The following TRIM33 variants were observed in gnomAD, a reference collection of about 807,000 sequenced individuals.
TRIM33 encodes the protein tripartite motif containing 33.
TRIM33 carries 20 observed loss-of-function variants against 125.4 expected under a neutral mutation model. The observed-to-expected ratio is 0.16, with a 90% CI of 0.11 to 0.23. TRIM33 has a LOEUF of 0.23. TRIM33 is among the 10% of genes least tolerant of loss of function. TRIM33 has a pLI of 1.00. For missense variants in TRIM33, 920 were observed against 1,411.4 expected (o/e 0.65, Z 5.58); for synonymous variants, 564 against 513.9 (o/e 1.10, Z -1.32).
At chr1:114,474,012 C>A (rs1262246959) in intron 1 of TRIM33, among the ~76,000 whole-genome samples, 1 of 152,106 alleles carries the variant, frequency 6.6e-6, no homozygotes, top group Non-Finnish European at 1.5e-5. Context: ...AGTCCTCCTG[C>A]ATCAGCCTCC....
chr1:114,477,364 A>G (rs1158243539), intron 1 of TRIM33, among the ~76,000 whole-genome samples: 1 of 152,050 alleles, frequency 6.6e-6, no homozygotes, highest in East Asian at 1.9e-4. Flanking sequence ...AAAAAACAAA[A>G]ACACTTCTCT....
At chr1:114,446,189 G>C (rs1648963689) in intron 4 of TRIM33, among the ~76,000 whole-genome samples, 1 of 152,174 alleles carries the variant, frequency 6.6e-6, no homozygotes, top group African/African-American at 2.4e-5. Flanking sequence ...AAGAAGATGA[G>C]AGTATTCATT....
At chr1:114,412,518 A>G (rs1652660424) in intron 11 of TRIM33, among the ~76,000 whole-genome samples, 1 of 152,210 alleles carries the variant, frequency 6.6e-6, no homozygotes, top group Non-Finnish European at 1.5e-5. Context: ...CCCCATGGTA[A>G]TCAATCCCTC....
chr1:114,501,189 CAAAAAAAAAAAA>C lies in TRIM33; in HGVS notation c.526+9350_526+9361del, dbSNP rs775867907. 1.7e-4 allele frequency among the ~76,000 whole-genome samples: 4 copies of C among 23,172 alleles called. 1 individual carries two copies. Among genetic ancestry groups the C allele is most frequent in the East Asian group, 6.3e-4 (1 of 1,580 alleles). 15.2% of individuals were successfully genotyped at this position (23,172 alleles called of 152,430 possible). ...TGGGCGACAGAGCGAGACTCCGTCT[CAAAAAAAAAAAA>C]AAAAAAAAAAAGAATTTGGGAGGGA... is the stretch of plus-strand genomic sequence containing the variant. On this transcript the variant is annotated intron_variant, in intron 1 of 19. Transcript: ENST00000358465.
chr1:114,470,070 C>T (rs904546708), intron 1 of TRIM33, among the ~76,000 whole-genome samples: 3 of 152,110 alleles, frequency 2.0e-5, no homozygotes, highest in East Asian at 1.9e-4. Context: ...CAATCATATA[C>T]GAAGAACACT....
At chr1:114,428,514 G>T (rs1285065472) in intron 6 of TRIM33, among the ~76,000 whole-genome samples, 1 of 152,152 alleles carries the variant, frequency 6.6e-6, no homozygotes, top group East Asian at 1.9e-4. Flanking sequence ...ATCACCCCAG[G>T]AGGGATGGGT....
chr1:114,426,951 C>T (rs1032536244), intron 8 of TRIM33, among the ~76,000 whole-genome samples: 2 of 152,076 alleles, frequency 1.3e-5, no homozygotes, highest in Non-Finnish European at 2.9e-5. Context: ...AAACAGCACA[C>T]ATTAAAAAAC....
At chr1:114,481,423 T>G (rs958602913) in intron 1 of TRIM33, among the ~76,000 whole-genome samples, 2 of 151,718 alleles carry the variant, frequency 1.3e-5, no homozygotes, top group Non-Finnish European at 2.9e-5. Flanking sequence ...AAACCCCATC[T>G]CTACTAAAAC....
chr1:114,501,408 G>A (rs72990817), intron 1 of TRIM33, among the ~76,000 whole-genome samples: 9,555 of 152,178 alleles, frequency 0.063, 319 homozygotes, highest in African/African-American at 0.086. Context: ...TCTCCATATG[G>A]CCTCTTTAAA....
chr1:114,460,573 C>CTTTT (rs35612978), intron 4 of TRIM33, among the ~76,000 whole-genome samples: 1 of 64,430 alleles, frequency 1.6e-5, no homozygotes, highest in Non-Finnish European at 2.7e-5. Context: ...CCCCCGCCAC[C>CTTTT]TTTTTTTTTT....
intron 1 of TRIM33, among the ~76,000 whole-genome samples, chr1:114,508,504 TC>T (rs1653139679): frequency 6.6e-6 from 1 of 152,148 alleles, no homozygotes. Flanking sequence ...TAGTAGCTTC[TC>T]CAACAACCAA....
chr1:114,473,841 GAATTA>G (rs797022557), intron 1 of TRIM33, among the ~76,000 whole-genome samples: 8 of 152,164 alleles, frequency 5.3e-5, no homozygotes, highest in Admixed American at 2.6e-4. Flanking sequence ...AAATGAGAAT[GAATTA>G]AATACCCCAA....
chr1:114,419,656 T>C (rs1379507125), intron 11 of TRIM33, among the ~76,000 whole-genome samples: 1 of 152,144 alleles, frequency 6.6e-6, no homozygotes, highest in African/African-American at 2.4e-5. Context: ...AGGGAAGCAA[T>C]CAGGTTAAGA....
At chr1:114,470,758 C>T (rs1261463250) in intron 1 of TRIM33, among the ~76,000 whole-genome samples, 5 of 152,184 alleles carry the variant, frequency 3.3e-5, no homozygotes, top group African/African-American at 1.2e-4. Flanking sequence ...AATGCTAGGC[C>T]TCTTGCGCCA....
intron 4 of TRIM33, among the ~76,000 whole-genome samples, chr1:114,462,112 T>C (rs548110424): frequency 3.3e-5 from 5 of 152,288 alleles, no homozygotes; most frequent in Admixed American, 1.3e-4. Context: ...ACTACAGCCT[T>C]TTGTGAGTAG....
At chr1:114,434,695 G>C (rs115656815) in intron 4 of TRIM33, among the ~76,000 whole-genome samples, 1 of 151,988 alleles carries the variant, frequency 6.6e-6, no homozygotes, top group Non-Finnish European at 1.5e-5. Flanking sequence ...TTTTTACATG[G>C]ACTAAAGAAT....
intron 1 of TRIM33, among the ~76,000 whole-genome samples, chr1:114,483,146 A>G (rs569108121): frequency 6.6e-6 from 1 of 152,212 alleles, no homozygotes; most frequent in African/African-American, 2.4e-5. Context: ...CTCTACAAAA[A>G]TAATTTTTTA....
In TRIM33 at chr1:114,458,990, G is replaced by A. The variant is rs573899236; in HGVS notation, c.923+4114C>T. Among the ~76,000 whole-genome samples the A allele has an allele frequency of 4.6e-5, 7 of 152,250 alleles. No homozygotes were observed. In the South Asian group the frequency reaches 1.2e-3, roughly 27 times the overall value. On this transcript the variant is annotated intron_variant, in intron 4 of 19. Coordinates refer to ENST00000358465, the MANE Select transcript of TRIM33 (RefSeq NM_015906.4). ...TGGTTTCTGCAACAGTCCATCCAGAGAAAATAAAATGAAAGCATGAACAAA... is the reference window on the plus strand; with the variant it reads ...TGGTTTCTGCAACAGTCCATCCAGAAAAAATAAAATGAAAGCATGAACAAA...
chr1:114,439,673 T>C (rs1175385858), intron 4 of TRIM33, among the ~76,000 whole-genome samples: 1 of 151,990 alleles, frequency 6.6e-6, no homozygotes, highest in South Asian at 2.1e-4. Flanking sequence ...TCAAATTTGA[T>C]GATCTATAGC....
Sources: gnomAD v4.1 joint callset for allele counts (sites outside exome capture counted in the v4.1 genomes callset) on GRCh38, gnomAD v4.1.1 for gene constraint, MANE v1.5 for transcripts, NCBI Gene and HGNC (gene_info 2026-07-23, HGNC 2026-07-21) for gene names.